The following VPS53 variants were observed in gnomAD, a reference collection of about 807,000 sequenced individuals.
VPS53 encodes the protein VPS53 subunit of GARP complex, also known as vacuolar protein sorting-associated protein 53 homolog.
Under a neutral mutation model 107.0 loss-of-function variants are expected in VPS53, and 70 were observed. The ratio of observed to expected loss-of-function variants is 0.65; its 90% confidence interval spans 0.54 to 0.80. The LOEUF (loss-of-function observed/expected upper bound fraction) is 0.80, where lower values mean the gene tolerates loss of function less well. VPS53 is among the 30% of genes least tolerant of loss of function. The probability of loss-of-function intolerance (pLI) is 0.00; values close to 1 mark genes in which losing one functional copy is unlikely to be tolerated. For missense variants in VPS53, 917 were observed against 1,049.4 expected, an observed-to-expected ratio of 0.87 and a Z score of 1.74; for synonymous variants, 409 against 393.3, an observed-to-expected ratio of 1.04 and a Z score of -0.47.
chr17:522,120 G>T (rs1908809080), intron 19 of VPS53, among the ~76,000 whole-genome samples: 1 of 151,966 alleles, frequency 6.6e-6, no homozygotes, highest in Non-Finnish European at 1.5e-5. Context: ...CAGGCGTGGG[G>T]GTGCGCATCT....
intron 6 of VPS53, 86 bp from the exon 7 acceptor site, chr17:653,496 A>G (rs544300349): frequency 6.3e-7 from 1 of 1,580,178 alleles, no homozygotes; most frequent in Non-Finnish European, 8.6e-7. Context: ...TAGCTCTCAA[A>G]CAGATATCAA....
At chr17:572,646 A>T (rs1424922202) in intron 13 of VPS53, among the ~76,000 whole-genome samples, 4 of 151,546 alleles carry the variant, frequency 2.6e-5, no homozygotes, top group African/African-American at 4.9e-5. Flanking sequence ...GTGTGGAAAG[A>T]AGTAGACATG....
At chr17:697,214 C>CG (rs1256754562) in intron 4 of VPS53, among the ~76,000 whole-genome samples, 4 of 152,200 alleles carry the variant, frequency 2.6e-5, no homozygotes, top group Admixed American at 1.3e-4. Flanking sequence ...CTCGGGTGAG[C>CG]GGTGCCACAG....
chr17:548,518 C>T (rs572705980), intron 17 of VPS53, among the ~76,000 whole-genome samples: 6 of 134,284 alleles, frequency 4.5e-5, no homozygotes, highest in African/African-American at 1.7e-4. Context: ...GGCCAGCCAA[C>T]AGTCCTTCTG....
intron 15 of VPS53, among the ~76,000 whole-genome samples, chr17:558,097 C>T (rs913166022): frequency 1.3e-5 from 2 of 152,122 alleles, no homozygotes; most frequent in Admixed American, 6.5e-5. Flanking sequence ...TGGCCTCAAG[C>T]GATCCTTCCA....
intron 2 of VPS53, among the ~76,000 whole-genome samples, chr17:704,426 C>CT (rs1224313131): frequency 1.3e-5 from 2 of 152,226 alleles, no homozygotes; most frequent in Non-Finnish European, 2.9e-5. Flanking sequence ...CTGAAATCTA[C>CT]TTTAAACAAT....
At chr17:618,376 G>A (rs1174046849) in intron 11 of VPS53, among the ~76,000 whole-genome samples, 2 of 109,906 alleles carry the variant, frequency 1.8e-5, no homozygotes, top group African/African-American at 6.1e-5. Context: ...AATATTTCCC[G>A]GGTAGCTGGG....
chr17:597,255 C>G (rs553971676), intron 12 of VPS53, among the ~76,000 whole-genome samples: 1 of 152,184 alleles, frequency 6.6e-6, no homozygotes, highest in Non-Finnish European at 1.5e-5. Context: ...GTTAGGTCAC[C>G]CACAGAGCCG....
At chr17:609,248 T>C (rs978304727) in intron 11 of VPS53, among the ~76,000 whole-genome samples, 3 of 152,182 alleles carry the variant, frequency 2.0e-5, no homozygotes, top group African/African-American at 7.2e-5. Context: ...TGGAATCATA[T>C]AATGTGTGAC....
At chr17:650,965 G>C (rs1166206991) in intron 7 of VPS53, among the ~76,000 whole-genome samples, 3 of 152,072 alleles carry the variant, frequency 2.0e-5, no homozygotes, top group Non-Finnish European at 4.4e-5. Context: ...AAAGCGTAAG[G>C]CATGAAACCA....
chr17:710,501 CT>C, intron 2 of VPS53, 31 bp downstream of exon 2: 8 of 1,570,628 alleles, frequency 5.1e-6, no homozygotes, highest in Non-Finnish European at 7.0e-6. Flanking sequence ...CCAAAAGCTG[CT>C]GAAAGGAAGG....
At chr17:639,810 A>C (rs955432242) in intron 7 of VPS53, among the ~76,000 whole-genome samples, 9 of 152,190 alleles carry the variant, frequency 5.9e-5, no homozygotes, top group African/African-American at 2.2e-4. Context: ...GTCTGCCCCT[A>C]CTGGAGGGTG....
chr17:559,511 G>C (rs949739709), intron 15 of VPS53, among the ~76,000 whole-genome samples: 2 of 152,132 alleles, frequency 1.3e-5, no homozygotes, highest in African/African-American at 2.4e-5. Context: ...CATGACCTTC[G>C]CAACTCAACA....
At chr17:573,138 A>G (rs1264896478) in intron 13 of VPS53, among the ~76,000 whole-genome samples, 1 of 152,240 alleles carries the variant, frequency 6.6e-6, no homozygotes. Flanking sequence ...ATTAGAGGGA[A>G]CTCAGGAGAA....
intron 4 of VPS53, among the ~76,000 whole-genome samples, chr17:663,645 T>C (rs1971562739): frequency 1.3e-5 from 2 of 152,202 alleles, no homozygotes; most frequent in African/African-American, 4.8e-5. Context: ...GCCACGGATG[T>C]GTATAGACCA....
At chr17:564,138 G>A (rs978536203) in intron 13 of VPS53, among the ~76,000 whole-genome samples, 6 of 151,984 alleles carry the variant, frequency 3.9e-5, no homozygotes. Context: ...GCTCATGCCT[G>A]TAATCCCAAC....
intron 6 of VPS53, among the ~76,000 whole-genome samples, chr17:653,616 G>T (rs973746312): frequency 6.6e-6 from 1 of 152,180 alleles, no homozygotes; most frequent in Admixed American, 6.5e-5. Flanking sequence ...TATAGTAAGG[G>T]AGAGAGTCAA....
chr17:623,616 G>A lies in VPS53; in HGVS notation c.1033C>T (p.Leu345Phe), dbSNP rs978300849. Residue 345 changes from leucine to phenylalanine, a missense_variant, in exon 11 of 22, where the codon CTT becomes TTT. Physicochemically the swap from Leu to Phe is conservative, Grantham distance 22. Coordinates refer to ENST00000437048, the MANE Select transcript of VPS53 (RefSeq NM_001128159.3). The stretch of plus-strand genomic sequence containing the variant: ...TTAGTTGTTCTTTGAATAGCAAAAA[G>A]AAGCAATTTCACTTCAATTTCCTTC... ...RAKEIEVKLL[L>F]FAIQRTTNFE... 6.2e-7 allele frequency: 1 copy of A among 1,613,928 alleles called. No homozygotes were observed.
intron 7 of VPS53, among the ~76,000 whole-genome samples, chr17:634,396 ATTTTT>A (rs771297757): frequency 2.0e-5 from 3 of 151,026 alleles, no homozygotes; most frequent in East Asian, 1.9e-4. Flanking sequence ...TGTACACCTT[ATTTTT>A]TTTTATTATT....
Sources: allele counts gnomAD v4.1 joint callset (sites outside exome capture counted in the v4.1 genomes callset), GRCh38; gene constraint gnomAD v4.1.1; transcripts MANE v1.5; gene names NCBI Gene and HGNC (gene_info 2026-07-23, HGNC 2026-07-21).